The following IPO9 variants were observed in gnomAD, a reference collection of about 807,000 sequenced individuals.
IPO9 encodes the protein importin-9.
Under a neutral mutation model 128.6 loss-of-function variants are expected in IPO9, and 28 were observed. The observed-to-expected ratio is 0.22, with a 90% CI of 0.16 to 0.30. IPO9 has a LOEUF of 0.30. Among genes scored for constraint, IPO9 ranks in the 10% least tolerant of loss-of-function variants. IPO9 has a pLI of 1.00. For missense variants in IPO9, 935 were observed against 1,293.9 expected, an observed-to-expected ratio of 0.72 and a Z score of 4.26; for synonymous variants, 455 against 475.8, an observed-to-expected ratio of 0.96 and a Z score of 0.57.
Position 201,866,962 on chromosome 1 carries a change from A to G in IPO9, c.1855+3A>G. 6.2e-7 allele frequency: 1 copy of G among 1,609,172 alleles called. No homozygotes were observed. The highest frequency in any genetic ancestry group is 8.5e-7 in the Non-Finnish European group (1 of 1,175,460). On this transcript the variant is annotated splice_donor_region_variant and intron_variant, in intron 15 of 23. Coordinates refer to ENST00000361565, the MANE Select transcript of IPO9 (RefSeq NM_018085.5). ...CATTTTCCTAAAGTACAGTAATGGT[A>G]TGCTGCCAGGGAGGATGTATTATGA...
intron 13 of IPO9, among the ~76,000 whole-genome samples, chr1:201,862,567 G>T (rs917099798): frequency 3.9e-5 from 6 of 152,090 alleles, no homozygotes; most frequent in Admixed American, 3.9e-4. Context: ...AGCACTTTTG[G>T]AGGCCAAGGC....
intron 10 of IPO9, among the ~76,000 whole-genome samples, chr1:201,856,294 A>AC (rs1680328483): frequency 6.6e-6 from 1 of 152,158 alleles, no homozygotes; most frequent in South Asian, 2.1e-4. Context: ...AGAAAATCTC[A>AC]CAGGACCACT....
At chr1:201,869,082 C>T (rs577388403) in intron 16 of IPO9, among the ~76,000 whole-genome samples, 1 of 152,206 alleles carries the variant, frequency 6.6e-6, no homozygotes, top group East Asian at 1.9e-4. Flanking sequence ...GAAACCCTAT[C>T]TCTACTAAAA....
Position 201,869,596 on chromosome 1 carries a change from A to G in IPO9, c.2011A>G (p.Ile671Val), listed in dbSNP as rs957270614. The stretch of plus-strand genomic sequence containing the variant: ...TTTTTCTTCTCTCTTTCAGACAGCC[A>G]TTGATATCCTGACAACAGTAGTACG... ...KIPAGLCATAIDILTTVVRNT... is the reference protein window; with the variant it reads ...KIPAGLCATAVDILTTVVRNT... Residue 671 changes from isoleucine to valine, a missense_variant, in exon 17 of 24, where the codon ATT becomes GTT. By Grantham distance (29) the Ile-to-Val change is conservative. This residue lies in a region of IPO9 where 741 missense variants were observed against 1,019.1 expected (regional missense o/e 0.73). Transcript: ENST00000361565. The G allele has an allele frequency of 1.5e-5, 25 of 1,614,000 alleles. No homozygotes were observed. The highest frequency in any genetic ancestry group is 1.1e-4 in the African/African-American group (8 of 74,916).
chr1:201,844,383 G>T (rs1046150910), intron 1 of IPO9, among the ~76,000 whole-genome samples: 7 of 152,034 alleles, frequency 4.6e-5, no homozygotes, highest in African/African-American at 9.7e-5. Flanking sequence ...ATAACTGATC[G>T]ATATTCACCA....
chr1:201,848,951 A>G (rs961934925), intron 4 of IPO9, among the ~76,000 whole-genome samples: 11 of 152,190 alleles, frequency 7.2e-5, no homozygotes, highest in Admixed American at 3.9e-4. Context: ...GTCTGCATCA[A>G]AGGAGCTTTT....
At position 201,882,153 on chromosome 1, in the gene IPO9, C is replaced by G. The variant is rs184086509; in HGVS notation, c.*6099C>G. On this transcript the variant is annotated 3_prime_UTR_variant, in exon 24 of 24. Transcript: ENST00000361565. ...CAATAAAATTCCAATTTTTGTAGGC[C>G]GGGCATAGTGGCTCACACCTGTAAT... 1 of 151,996 alleles carries G rather than the reference C, an allele frequency of 6.6e-6. No individual in the cohort carries two copies. The highest frequency in any genetic ancestry group is 1.5e-5 in the Non-Finnish European group (1 of 68,004). The allele number at this position is 151,996 out of a possible 1,614,324, so 9.4% of individuals were successfully genotyped here.
chr1:201,867,803 A>G (rs957859733), intron 15 of IPO9, among the ~76,000 whole-genome samples: 33 of 152,262 alleles, frequency 2.2e-4, no homozygotes, highest in African/African-American at 7.9e-4. Flanking sequence ...GATGTACAGG[A>G]TAAGGATTAT....
chr1:201,870,892 C>T lies in IPO9; in HGVS notation c.2409+34C>T, dbSNP rs866360890. On this transcript the variant is annotated intron_variant, in intron 18 of 23. Coordinates refer to ENST00000361565, the MANE Select transcript of IPO9 (RefSeq NM_018085.5). This position sits in a 1 kb window ranked among gnomAD's most constrained non-coding sequence, Gnocchi z 4.9. The stretch of plus-strand genomic sequence containing the variant: ...GCAGTGGGGAGTGGGCTTCCTACTC[C>T]CTGGCTGATAGAAATGAAAATTCGT... 2 of 1,569,766 alleles carry T rather than the reference C, an allele frequency of 1.3e-6. No individual in the cohort carries two copies. Among genetic ancestry groups the T allele is most frequent in the African/African-American group, 1.4e-5 (1 of 72,918 alleles).
At chr1:201,849,795 C>T (rs539020767) in intron 4 of IPO9, among the ~76,000 whole-genome samples, 4 of 152,294 alleles carry the variant, frequency 2.6e-5, no homozygotes, top group African/African-American at 7.2e-5. Context: ...GCTCAGATAC[C>T]GAACAGACTT....
At chr1:201,863,791 G>A (rs1332774130) in intron 14 of IPO9, among the ~76,000 whole-genome samples, 184 bp downstream of exon 14, 2 of 152,182 alleles carry the variant, frequency 1.3e-5, no homozygotes, top group East Asian at 3.8e-4. Context: ...TCCAGAAGAT[G>A]TCCTGTTCCT....
Position 201,845,027 on chromosome 1 carries a change from G to C in IPO9, c.164-2252G>C, listed in dbSNP as rs556211602. On this transcript the variant is annotated intron_variant, in intron 1 of 23. Coordinates refer to ENST00000361565, the MANE Select transcript of IPO9 (RefSeq NM_018085.5). Reference sequence around the variant, plus strand: ...TTGATACCAGTATTTTTTTTGGGAGGGGGGGGCGTACAGAGTTTCCCTCTT... The same window carrying C: ...TTGATACCAGTATTTTTTTTGGGAGCGGGGGGCGTACAGAGTTTCCCTCTT... Among the ~76,000 whole-genome samples the C allele has an allele frequency of 1.7e-3, 250 of 149,134 alleles. 1 individual carries two copies. Among genetic ancestry groups the C allele is most frequent in the African/African-American group, 5.8e-3 (228 of 39,094 alleles).
intron 4 of IPO9, among the ~76,000 whole-genome samples, chr1:201,851,468 T>C (rs1276469335): frequency 6.6e-6 from 1 of 152,010 alleles, no homozygotes; most frequent in East Asian, 1.9e-4. Flanking sequence ...TTTGGTTTTT[T>C]TTTTTTTGAG....
intron 1 of IPO9, among the ~76,000 whole-genome samples, chr1:201,837,787 T>G (rs1411540343): frequency 6.6e-6 from 1 of 152,184 alleles, no homozygotes; most frequent in African/African-American, 2.4e-5. Context: ...AAGAAAATAC[T>G]AGGCCAGGCA....
chr1:201,857,522 G>A (rs542625216), intron 11 of IPO9, among the ~76,000 whole-genome samples: 97 of 152,272 alleles, frequency 6.4e-4, no homozygotes, highest in African/African-American at 2.1e-3. Context: ...ATGGCTGGGC[G>A]TGGTGACTCA....
At position 201,874,955 on chromosome 1, in the gene IPO9, G is replaced by C; in HGVS notation, c.2938+19G>C. 6.5e-7 allele frequency: 1 copy of C among 1,542,792 alleles called. No individual in the cohort carries two copies. The highest frequency in any genetic ancestry group is 9.0e-7 in the Non-Finnish European group (1 of 1,114,918). ...AAATATGGTAAGCTGTTTGATAAGA[G>C]GACAGCCATGGTAAATACCTTTTCT... On this transcript the variant is annotated intron_variant, in intron 22 of 23. Transcript: ENST00000361565.
Position 201,874,858 on chromosome 1 carries a change from C to CAGGAGGAGGAAG in IPO9, c.2871_2882dup (p.Glu959_Glu962dup), listed in dbSNP as rs1381770930. 2 of 1,613,202 alleles carry CAGGAGGAGGAAG rather than the reference C, an allele frequency of 1.2e-6. No individual in the cohort carries two copies. The highest frequency in any genetic ancestry group is 1.1e-5 in the South Asian group (1 of 91,062). Reference sequence around the variant, plus strand: ...TGACTCCAATGATATGTGGGAGGACCAGGAGGAGGAAGAGGAGGAGGAGGA... The same window carrying CAGGAGGAGGAAG: ...TGACTCCAATGATATGTGGGAGGACCAGGAGGAGGAAGAGGAGGAGGAAGAGGAGGAGGAGGA... On this transcript the variant is annotated inframe_insertion, in exon 22 of 24. Coordinates refer to ENST00000361565, the MANE Select transcript of IPO9 (RefSeq NM_018085.5).
chr1:201,858,791 C>G (rs72742073), intron 12 of IPO9, 64 bp from the exon 13 acceptor site: 138,886 of 1,512,602 alleles, frequency 0.092, 6,986 homozygotes, highest in Admixed American at 0.15. Flanking sequence ...AATCTTGTTT[C>G]CTCAAATATT....
At chr1:201,836,371 G>A (rs955103237) in intron 1 of IPO9, among the ~76,000 whole-genome samples, 1 of 152,018 alleles carries the variant, frequency 6.6e-6, no homozygotes, top group Admixed American at 6.6e-5. Context: ...TTCCTTCTTT[G>A]CATTAGTTTG....
Sources: allele counts gnomAD v4.1 joint callset (sites outside exome capture counted in the v4.1 genomes callset), GRCh38; gene constraint gnomAD v4.1.1; regional missense constraint gnomAD v4.1.1; non-coding constraint Gnocchi (gnomAD v3.1); transcripts MANE v1.5; gene names NCBI Gene and HGNC (gene_info 2026-07-23, HGNC 2026-07-21).